STX3: variants seen among roughly 807,000 people sequenced by gnomAD.
The protein encoded by STX3 is syntaxin 3.
A neutral mutation model predicts 40.2 loss-of-function variants in STX3; 19 were observed. The ratio of observed to expected loss-of-function variants is 0.47; its 90% CI spans 0.33 to 0.69. The LOEUF (loss-of-function observed/expected upper bound fraction) is 0.69, where lower values mean the gene tolerates loss of function less well. Among genes scored for constraint, STX3 ranks in the 30% least tolerant of loss-of-function variants. The probability of loss-of-function intolerance (pLI) is 0.02; values close to 1 mark genes in which losing one functional copy is unlikely to be tolerated. For synonymous variants in STX3, 122 were observed against 132.2 expected, an observed-to-expected ratio of 0.92 and a Z score of 0.53; for missense variants, 364 against 366.7, an observed-to-expected ratio of 0.99 and a Z score of 0.06.
chr11:59,780,300 G>A (rs548661859), intron 2 of STX3, among the ~76,000 whole-genome samples: 6 of 152,126 alleles, frequency 3.9e-5, no homozygotes, highest in Non-Finnish European at 2.9e-5. Context: ...AAAAAGAGAC[G>A]TGAGAAAGAT....
intron 2 of STX3, among the ~76,000 whole-genome samples, chr11:59,780,374 G>A (rs1864287005): frequency 1.3e-5 from 2 of 152,160 alleles, no homozygotes; most frequent in Non-Finnish European, 2.9e-5. Context: ...CAGGAAGAGG[G>A]TCCTCCTCAG....
At chr11:59,776,358 G>A (rs1309387507) in intron 2 of STX3, among the ~76,000 whole-genome samples, 1 of 152,214 alleles carries the variant, frequency 6.6e-6, no homozygotes, top group Admixed American at 6.5e-5. Context: ...CACAGTGCCT[G>A]ACATCTAGTA....
At chr11:59,759,669 C>T (rs944698928) in intron 1 of STX3, among the ~76,000 whole-genome samples, 1 of 152,116 alleles carries the variant, frequency 6.6e-6, no homozygotes, top group Non-Finnish European at 1.5e-5. Context: ...AATAAGGACA[C>T]ACTAATGAAA....
At position 59,773,274 on chromosome 11, in the gene STX3, A is replaced by C. The variant is rs757904110; in HGVS notation, c.94A>C (p.Met32Leu). ...GATTGCTATCGACAACACGGCTTTT[A>C]TGGACGAGTTCTTTTCTGAGGTAGG... The part of the protein sequence containing the change: ...VEIAIDNTAF[M>L]DEFFSEIEET... Residue 32 changes from methionine (M) to leucine (L), a missense_variant, in exon 2 of 11, where the codon ATG becomes CTG. Physicochemically the swap from Met to Leu is conservative, Grantham distance 15. Transcript: ENST00000337979. 6.2e-7 allele frequency: 1 copy of C among 1,613,984 alleles called. No homozygotes were observed. The highest frequency in any genetic ancestry group is 8.5e-7 in the Non-Finnish European group (1 of 1,180,010).
chr11:59,778,500 G>T (rs7116954), intron 2 of STX3, among the ~76,000 whole-genome samples: 3,468 of 152,218 alleles, frequency 0.023, 133 homozygotes, highest in African/African-American at 0.08. Context: ...TCTGGGGCTG[G>T]CAATGCCACT....
rs1865982257 is a variant in STX3 at position 59,803,733 on chromosome 11, T to G, written c.*2909T>G. 1 of 153,476 alleles carries G rather than the reference T, an allele frequency of 6.5e-6. No homozygotes were observed. The highest frequency in any genetic ancestry group is 2.4e-5 in the African/African-American group (1 of 41,494). 9.5% of individuals were successfully genotyped at this position (153,476 alleles called of 1,614,324 possible). On this transcript the variant is annotated 3_prime_UTR_variant, in exon 11 of 11. Coordinates refer to ENST00000337979, the MANE Select transcript of STX3 (RefSeq NM_004177.5). ...GTTAATGAAAGTTAACACAGCCTTG[T>G]ATGTAGTCCTTTACCCCGGGTAAGA...
Position 59,801,520 on chromosome 11 carries a change from G to A in STX3, c.*696G>A. The A allele has an allele frequency of 1.0e-6, 1 of 985,446 alleles. No homozygotes were observed. Among genetic ancestry groups the A allele is most frequent in the Non-Finnish European group, 1.2e-6 (1 of 829,944 alleles). The allele number at this position is 985,446 out of a possible 1,614,324, so 61.0% of individuals were successfully genotyped here. A position where few individuals can be genotyped will look rare whatever the true frequency, so the allele number is the denominator to read the frequency against. The stretch of plus-strand genomic sequence containing the variant: ...GGACCAGGATGATACAGTCATCTGA[G>A]GTTATGCTTTGCAAAAGGCTGACGG... On this transcript the variant is annotated 3_prime_UTR_variant, in exon 11 of 11. Transcript: ENST00000337979.
intron 1 of STX3, among the ~76,000 whole-genome samples, chr11:59,759,186 C>G (rs1022259357): frequency 3.3e-5 from 5 of 152,216 alleles, no homozygotes; most frequent in Admixed American, 6.5e-5. Context: ...ATCTAATCCT[C>G]TCAACCCTGC....
chr11:59,805,491 G>A lies in STX3; in HGVS notation c.*4667G>A, dbSNP rs1403636551. The A allele has an allele frequency of 6.6e-6, 1 of 152,182 alleles. No individual in the cohort carries two copies. The highest frequency in any genetic ancestry group is 1.5e-5 in the Non-Finnish European group (1 of 68,026). The allele number at this position is 152,182 out of a possible 1,614,324, so 9.4% of individuals were successfully genotyped here. On this transcript the variant is annotated 3_prime_UTR_variant, in exon 11 of 11. Transcript: ENST00000337979. ...ACCCACCTTCAAAAGCCAATGGTTT[G>A]ATATTTCTATTAATTTGTGCTTCCT...
Position 59,792,209 on chromosome 11 carries a change from G to A in STX3, c.460G>A (p.Glu154Lys), listed in dbSNP as rs201661485. ...CAAAGGGCGAATCCAGCGGCAGCTC[G>A]AAATTAGTATGTACTTGAGGTTTGG... ...RSKGRIQRQLEITGKKTTDEE... is the reference protein window; with the variant it reads ...RSKGRIQRQLKITGKKTTDEE... The change falls in exon 6 of 11, where the codon GAA becomes AAA. Residue 154 changes from glutamate to lysine, a missense_variant. Glu to Lys is a moderately conservative substitution (Grantham distance 56). Transcript: ENST00000337979. 8 of 1,613,512 alleles carry A rather than the reference G, an allele frequency of 5.0e-6. No individual in the cohort carries two copies. Among genetic ancestry groups the A allele is most frequent in the Non-Finnish European group, 5.9e-6 (7 of 1,179,910 alleles).
In STX3 at chr11:59,784,959, G is replaced by T. The variant is rs896079906; in HGVS notation, c.115-2078G>T. The stretch of plus-strand genomic sequence containing the variant: ...TAACTCTTCAATCTAATGGAAAAAA[G>T]CTTCCCAGTTGGAGTGTGGAGGGCA... On this transcript the variant is annotated intron_variant, in intron 2 of 10. Transcript: ENST00000337979. Among the ~76,000 whole-genome samples the T allele has an allele frequency of 2.6e-5, 4 of 152,270 alleles. 1 individual carries two copies. In the South Asian group the frequency reaches 6.2e-4, roughly 24 times the overall value.
At chr11:59,788,992 A>C in intron 4 of STX3, 45 bp downstream of exon 4, 1 of 1,539,104 alleles carries the variant, frequency 6.5e-7, no homozygotes, top group Non-Finnish European at 8.9e-7. Flanking sequence ...ACCACCATCT[A>C]TCTCAGCTCC....
chr11:59,796,472 A>G (rs1376145038), intron 9 of STX3, among the ~76,000 whole-genome samples: 1 of 152,124 alleles, frequency 6.6e-6, no homozygotes, highest in Non-Finnish European at 1.5e-5. Context: ...AACTTTACCT[A>G]TTGCTTATGC....
chr11:59,800,819 G>A (rs907687677), intron 10 of STX3, 36 bp from the exon 11 acceptor site: 4 of 1,536,346 alleles, frequency 2.6e-6, no homozygotes, highest in Non-Finnish European at 3.5e-6. Context: ...CCTTCTTCCT[G>A]TGTACTGATC....
At position 59,795,829 on chromosome 11, in the gene STX3, C is replaced by G. The variant is rs568370959; in HGVS notation, c.786+347C>G. 8.7e-5 allele frequency: 73 copies of G among 836,434 alleles called. No homozygotes were observed. In the African/African-American group the frequency reaches 1.1e-3, roughly 13 times the overall value. The allele number at this position is 836,434 out of a possible 1,614,324, so 51.8% of individuals were successfully genotyped here. Reference sequence around the variant, plus strand: ...GCCTCCCTCCCTGTCGTAGCCTCATCAACCCCTCCCTCAGCTTTTCCTAGA... The same window carrying G: ...GCCTCCCTCCCTGTCGTAGCCTCATGAACCCCTCCCTCAGCTTTTCCTAGA... On this transcript the variant is annotated intron_variant, in intron 9 of 10. Coordinates refer to ENST00000337979, the MANE Select transcript of STX3 (RefSeq NM_004177.5).
intron 10 of STX3, chr11:59,800,320 T>A (rs1315560061): frequency 1.0e-6 from 1 of 985,268 alleles, no homozygotes; most frequent in Non-Finnish European, 1.2e-6. Context: ...TGCTCTAAGA[T>A]CATAGTATCC....
chr11:59,778,264 C>T (rs1864110345), intron 2 of STX3, among the ~76,000 whole-genome samples: 1 of 152,176 alleles, frequency 6.6e-6, no homozygotes, highest in Admixed American at 6.5e-5. Flanking sequence ...CACCCTGTGA[C>T]AGCGTTGCAA....
chr11:59,755,139 C>G (rs911839206), upstream of STX3: 2 of 154,624 alleles, frequency 1.3e-5, no homozygotes, highest in African/African-American at 4.8e-5. Context: ...ATGACCGCAG[C>G]CAGACAGTCG....
In STX3 at chr11:59,755,645, G is replaced by A. The variant is rs1406802978; in HGVS notation, c.30+10G>A. On this transcript the variant is annotated intron_variant, in intron 1 of 10. Transcript: ENST00000337979. ...GGAGCAGCTGAAGGCCGTGAGTTTC[G>A]CCGCAGGCGGGGTGCTGCCAGGAGG... is the stretch of plus-strand genomic sequence containing the variant. 2 of 1,591,466 alleles carry A rather than the reference G, an allele frequency of 1.3e-6. No homozygotes were observed. Among genetic ancestry groups the A allele is most frequent in the East Asian group, 2.3e-5 (1 of 43,334 alleles).
Sources: allele counts gnomAD v4.1 joint callset (sites outside exome capture counted in the v4.1 genomes callset), GRCh38; gene constraint gnomAD v4.1.1; transcripts MANE v1.5; gene names NCBI Gene and HGNC (gene_info 2026-07-23, HGNC 2026-07-21).